Variants in ZC3H12B observed in about 807,000 individuals in gnomAD.
The protein encoded by ZC3H12B is zinc finger CCCH-type containing 12B, also known as probable ribonuclease ZC3H12B.
ZC3H12B carries 7 observed loss-of-function variants against 43.9 expected under a neutral mutation model. The ratio of observed to expected loss-of-function variants is 0.16; its 90% CI spans 0.09 to 0.30. The LOEUF (loss-of-function observed/expected upper bound fraction) is 0.30. Ranked by LOEUF, ZC3H12B falls within the 10% of genes least tolerant of loss-of-function variation. The probability of loss-of-function intolerance (pLI) is 1.00; values close to 1 mark genes in which losing one functional copy is unlikely to be tolerated. For missense variants in ZC3H12B, 475 were observed against 670.2 expected (o/e 0.71, Z 3.22); for synonymous variants, 222 against 241.7 (o/e 0.92, Z 0.76).
the ZC3H12B span, among the ~76,000 whole-genome samples, chrX:65,355,209 A>G: frequency 9.0e-6 from 1 of 111,613 alleles, no homozygotes; most frequent in African/African-American, 3.3e-5. Flanking sequence ...GGGCAGCCAG[A>G]GACAAAGGTT....
the ZC3H12B span, among the ~76,000 whole-genome samples, chrX:65,192,571 TATC>T: frequency 1.8e-5 from 2 of 111,516 alleles, no homozygotes. Context: ...TGTTGAATAT[TATC>T]AAATGCTTTA....
At chrX:65,448,028 C>G (rs193212392) in intron 3 of ZC3H12B, among the ~76,000 whole-genome samples, 5 of 110,524 alleles carry the variant, frequency 4.5e-5, no homozygotes, top group Non-Finnish European at 9.5e-5. Context: ...GTCAGGAGAT[C>G]GAGACCATCC....
At chrX:65,226,401 C>A in the ZC3H12B span, among the ~76,000 whole-genome samples, 1 of 111,621 alleles carries the variant, frequency 9.0e-6, no homozygotes, top group African/African-American at 3.3e-5. Context: ...CAACCGGTAC[C>A]AGCCACTGCA....
chrX:65,077,980 A>G, the ZC3H12B span, among the ~76,000 whole-genome samples: 1 of 112,254 alleles, frequency 8.9e-6, no homozygotes, highest in Non-Finnish European at 1.9e-5. Flanking sequence ...TAAGTTCACA[A>G]CATCTTGTTC....
chrX:65,346,855 T>C, the ZC3H12B span, among the ~76,000 whole-genome samples: 3 of 112,097 alleles, frequency 2.7e-5, no homozygotes, highest in Admixed American at 1.9e-4. Context: ...ACCTGGGGAA[T>C]GGGGCGGCTG....
At chrX:65,435,379 G>A (rs751071002) in intron 3 of ZC3H12B, among the ~76,000 whole-genome samples, 2 of 111,343 alleles carry the variant, frequency 1.8e-5, no homozygotes, top group South Asian at 7.6e-4. Flanking sequence ...TAAGTTTCTT[G>A]CCTCTTATAA....
chrX:65,096,403 A>G, the ZC3H12B span, among the ~76,000 whole-genome samples: 1 of 112,138 alleles, frequency 8.9e-6, no homozygotes, highest in African/African-American at 3.2e-5. Context: ...GATGATTAAT[A>G]TGCTAAGGAT....
At chrX:65,091,360 G>T in the ZC3H12B span, among the ~76,000 whole-genome samples, 1 of 112,089 alleles carries the variant, frequency 8.9e-6, no homozygotes, top group Non-Finnish European at 1.9e-5. Context: ...TTTTGGCCAA[G>T]TGAAACTGAT....
the ZC3H12B span, among the ~76,000 whole-genome samples, chrX:65,215,118 A>C: frequency 8.9e-6 from 1 of 111,952 alleles, no homozygotes; most frequent in Non-Finnish European, 1.9e-5. Context: ...TCGTTTGTCC[A>C]TTTACAAAGC....
the ZC3H12B span, among the ~76,000 whole-genome samples, chrX:65,315,586 G>A: frequency 2.2e-4 from 25 of 111,276 alleles, no homozygotes; most frequent in African/African-American, 8.2e-4. Context: ...CAGAAATGAA[G>A]CCATTTGAAT....
At chrX:65,119,042 T>C in the ZC3H12B span, among the ~76,000 whole-genome samples, 6 of 111,153 alleles carry the variant, frequency 5.4e-5, no homozygotes, top group Non-Finnish European at 9.4e-5. Flanking sequence ...CTTAATCCAA[T>C]CTATCATTGT....
the ZC3H12B span, among the ~76,000 whole-genome samples, chrX:65,227,571 T>C: frequency 9.0e-6 from 1 of 111,076 alleles, no homozygotes; most frequent in Non-Finnish European, 1.9e-5. Flanking sequence ...AAAAAACCCT[T>C]CAAAAAATTA....
At chrX:65,122,765 G>C in the ZC3H12B span, among the ~76,000 whole-genome samples, 1 of 111,175 alleles carries the variant, frequency 9.0e-6, no homozygotes, top group Middle Eastern at 4.6e-3. Context: ...CTTTATACCA[G>C]CAAAGATCAA....
chrX:65,337,150 A>C, the ZC3H12B span, among the ~76,000 whole-genome samples: 2 of 110,940 alleles, frequency 1.8e-5, no homozygotes, highest in Non-Finnish European at 3.8e-5. Flanking sequence ...CTCTAACCCA[A>C]TCCCATTCTT....
At chrX:65,379,124 C>T (rs979618303) in intron 2 of ZC3H12B, among the ~76,000 whole-genome samples, 3 of 112,145 alleles carry the variant, frequency 2.7e-5, no homozygotes, top group African/African-American at 9.7e-5. Flanking sequence ...AGGAGGCCTG[C>T]CTGCCTCTGT....
At chrX:65,366,321 T>G (rs1015619067), upstream of ZC3H12B, among the ~76,000 whole-genome samples, 3 of 111,797 alleles carry the variant, frequency 2.7e-5, no homozygotes, top group African/African-American at 9.8e-5. Context: ...AGCTTGTTTC[T>G]TCTTCATGAT....
intron 3 of ZC3H12B, among the ~76,000 whole-genome samples, chrX:65,449,062 G>GGAAGGAAA (rs2067432296): frequency 9.8e-6 from 1 of 101,705 alleles, no homozygotes; most frequent in African/African-American, 3.8e-5. Flanking sequence ...AAAGAAAGAA[G>GGAAGGAAA]GAAGGAAAGA....
chrX:65,504,797 C>T (rs1372594594), exon 5 of ZC3H12B: 2 of 112,668 alleles, frequency 1.8e-5, no homozygotes, highest in Non-Finnish European at 1.9e-5. Context: ...TCCTGTCCAC[C>T]CTTTGGGTAA....
At chrX:65,286,856 G>A in the ZC3H12B span, among the ~76,000 whole-genome samples, 1,804 of 110,503 alleles carry the variant, frequency 0.016, 51 homozygotes, top group African/African-American at 0.056. Flanking sequence ...GTTATCCCAC[G>A]CAAATGGAAA....
Sources: gnomAD v4.1 joint callset for allele counts (sites outside exome capture counted in the v4.1 genomes callset) on GRCh38, gnomAD v4.1.1 for gene constraint, MANE v1.5 for transcripts, NCBI Gene and HGNC (gene_info 2026-07-23, HGNC 2026-07-21) for gene names.